The following VAV3 variants were observed in gnomAD, a reference collection of about 807,000 sequenced individuals.
VAV3 encodes vav guanine nucleotide exchange factor 3.
Under a neutral mutation model 131.2 loss-of-function variants are expected in VAV3, and 94 were observed. The ratio of observed to expected loss-of-function variants is 0.72; its 90% CI spans 0.61 to 0.85. VAV3 has a LOEUF of 0.85. VAV3 is among the 40% of genes least tolerant of loss of function. VAV3 has a pLI of 0.00. For missense variants in VAV3, 939 were observed against 1,002.7 expected (o/e 0.94, Z 0.86); for synonymous variants, 349 against 342.0 (o/e 1.02, Z -0.22).
intron 25 of VAV3, chr1:107,576,324 G>A: frequency 7.4e-7 from 1 of 1,343,460 alleles, no homozygotes; most frequent in Non-Finnish European, 9.9e-7. Context: ...AGCCATACAT[G>A]GAACTCAAAT....
At chr1:107,843,360 A>G (rs953082315) in intron 2 of VAV3, among the ~76,000 whole-genome samples, 2 of 120,216 alleles carry the variant, frequency 1.7e-5, no homozygotes, top group African/African-American at 6.3e-5. Context: ...CCTTAGCACA[A>G]CACAAATATA....
chr1:107,732,074 T>C (rs1318972769), intron 15 of VAV3, among the ~76,000 whole-genome samples: 1 of 152,202 alleles, frequency 6.6e-6, no homozygotes, highest in African/African-American at 2.4e-5. Context: ...CTCTGAAAAT[T>C]TGTCCATCAG....
At chr1:107,828,760 C>T (rs1009250379) in intron 2 of VAV3, among the ~76,000 whole-genome samples, 6 of 152,266 alleles carry the variant, frequency 3.9e-5, no homozygotes, top group African/African-American at 1.4e-4. Flanking sequence ...ATAATCTACT[C>T]ATCTCAAGGT....
intron 1 of VAV3, among the ~76,000 whole-genome samples, chr1:107,961,990 A>C (rs1424915242): frequency 6.6e-6 from 1 of 152,240 alleles, no homozygotes; most frequent in Admixed American, 6.5e-5. Context: ...CAGGAAAGCT[A>C]AACAGGCTAC....
intron 15 of VAV3, among the ~76,000 whole-genome samples, chr1:107,745,456 T>G (rs910532612): frequency 1.3e-5 from 2 of 152,164 alleles, no homozygotes; most frequent in Non-Finnish European, 2.9e-5. Flanking sequence ...TTGTTCAGCC[T>G]TTCCTATGGA....
chr1:107,908,324 T>TACCCTAC (rs1435424319), intron 1 of VAV3, among the ~76,000 whole-genome samples: 2 of 152,222 alleles, frequency 1.3e-5, no homozygotes, highest in Non-Finnish European at 2.9e-5. Flanking sequence ...TGTAGGGCTA[T>TACCCTAC]AGGTGGCTGA....
At chr1:107,905,744 G>A (rs1672074830) in intron 1 of VAV3, among the ~76,000 whole-genome samples, 1 of 152,116 alleles carries the variant, frequency 6.6e-6, no homozygotes, top group Non-Finnish European at 1.5e-5. Context: ...AAGTTTTGCT[G>A]CTGGCTTCAA....
chr1:107,674,921 A>G (rs973662355), intron 19 of VAV3, among the ~76,000 whole-genome samples: 1 of 152,178 alleles, frequency 6.6e-6, no homozygotes, highest in African/African-American at 2.4e-5. Flanking sequence ...GTAGTAAAGA[A>G]CTGAAGACAG....
intron 11 of VAV3, 94 bp downstream of exon 11, chr1:107,757,153 ATGTGTGTGTGTGTG>A (rs34437461): frequency 1.3e-4 from 78 of 593,124 alleles, no homozygotes; most frequent in Non-Finnish European, 1.9e-4. Context: ...ATGTGTGTAT[ATGTGTGTGTGTGTG>A]TGTGTGTGTG....
chr1:107,954,964 G>T (rs1331708482), intron 1 of VAV3, among the ~76,000 whole-genome samples: 1 of 152,192 alleles, frequency 6.6e-6, no homozygotes, highest in South Asian at 2.1e-4. Context: ...AACAGTGCCT[G>T]CCTCACGGTG....
chr1:107,871,659 A>G (rs189663066), intron 2 of VAV3, among the ~76,000 whole-genome samples: 7 of 152,298 alleles, frequency 4.6e-5, no homozygotes, highest in Admixed American at 4.6e-4. Context: ...AGAGAAGCCC[A>G]AATAGATGCT....
intron 2 of VAV3, among the ~76,000 whole-genome samples, chr1:107,806,001 G>A (rs1336740381): frequency 6.6e-6 from 1 of 152,126 alleles, no homozygotes; most frequent in Non-Finnish European, 1.5e-5. Context: ...GATATCTGTG[G>A]AATGTACCAC....
intron 1 of VAV3, among the ~76,000 whole-genome samples, chr1:107,885,580 G>A (rs1345108840): frequency 6.6e-6 from 1 of 152,120 alleles, no homozygotes; most frequent in African/African-American, 2.4e-5. Context: ...TACAAATGTA[G>A]GAGGTACATT....
chr1:107,934,866 C>T (rs1431223649), intron 1 of VAV3, among the ~76,000 whole-genome samples: 2 of 152,156 alleles, frequency 1.3e-5, no homozygotes, highest in East Asian at 1.9e-4. Flanking sequence ...AGCGGCACAG[C>T]GAGGCAAATG....
chr1:107,744,274 T>C (rs1308590222), intron 15 of VAV3, among the ~76,000 whole-genome samples: 2 of 152,244 alleles, frequency 1.3e-5, no homozygotes, highest in African/African-American at 2.4e-5. Flanking sequence ...CTGACCTCTA[T>C]GCTATTTTCC....
chr1:107,718,848 C>T (rs1457521638), intron 15 of VAV3, among the ~76,000 whole-genome samples: 1 of 152,132 alleles, frequency 6.6e-6, no homozygotes, highest in Non-Finnish European at 1.5e-5. Flanking sequence ...GGTACTGGTA[C>T]CAAAACAGAG....
At chr1:107,745,694 G>C (rs182546655) in intron 15 of VAV3, among the ~76,000 whole-genome samples, 353 of 152,278 alleles carry the variant, frequency 2.3e-3, no homozygotes, top group East Asian at 8.1e-3. Flanking sequence ...GCTTAACATA[G>C]TATTTTAAGT....
intron 19 of VAV3, among the ~76,000 whole-genome samples, chr1:107,681,371 A>G (rs1472544464): frequency 6.6e-6 from 1 of 152,186 alleles, no homozygotes; most frequent in Non-Finnish European, 1.5e-5. Flanking sequence ...AAATCTCTAA[A>G]CAATAGCCAC....
chr1:107,588,984 T>C (rs558088904), intron 25 of VAV3, among the ~76,000 whole-genome samples: 1 of 152,310 alleles, frequency 6.6e-6, no homozygotes, highest in East Asian at 1.9e-4. Flanking sequence ...GGAAAGGCAA[T>C]ACAATTCATT....
Sources: gnomAD v4.1 joint callset for allele counts (sites outside exome capture counted in the v4.1 genomes callset) on GRCh38, gnomAD v4.1.1 for gene constraint, MANE v1.5 for transcripts, NCBI Gene and HGNC (gene_info 2026-07-23, HGNC 2026-07-21) for gene names.